PGR: variants seen among roughly 807,000 people sequenced by gnomAD.
PGR encodes nuclear receptor subfamily 3 group C member 3.
PGR carries 25 observed loss-of-function variants against 76.1 expected under a neutral mutation model. The ratio of observed to expected loss-of-function variants is 0.33; its 90% CI spans 0.24 to 0.46. PGR has a LOEUF of 0.46. Among genes scored for constraint, PGR ranks in the 20% least tolerant of loss-of-function variants. The probability of loss-of-function intolerance (pLI) is 1.00; values close to 1 mark genes in which losing one functional copy is unlikely to be tolerated. For synonymous variants in PGR, 579 were observed against 535.0 expected (o/e 1.08, Z -1.14); for missense variants, 1,172 against 1,225.3 (o/e 0.96, Z 0.65).
At chr11:101,093,545 C>T (rs1265734774) in intron 2 of PGR, among the ~76,000 whole-genome samples, 1 of 152,182 alleles carries the variant, frequency 6.6e-6, no homozygotes, top group African/African-American at 2.4e-5. Context: ...ACCACAACGT[C>T]CACCTCCTGG....
intron 4 of PGR, among the ~76,000 whole-genome samples, chr11:101,060,548 A>C (rs1351332695): frequency 3.3e-5 from 5 of 152,252 alleles, no homozygotes; most frequent in Non-Finnish European, 5.9e-5. Context: ...GTAGCTAATA[A>C]TACTAAAGTA....
chr11:101,057,247 G>C (rs532198861), intron 4 of PGR, among the ~76,000 whole-genome samples: 1 of 152,132 alleles, frequency 6.6e-6, no homozygotes, highest in African/African-American at 2.4e-5. Context: ...TGCGAATCCT[G>C]AAAGATAGTT....
Position 101,100,648 on chromosome 11 carries a change from A to G in PGR, c.1790-8772T>C, listed in dbSNP as rs117691427. 2.1e-3 allele frequency among the ~76,000 whole-genome samples: 323 copies of G among 152,140 alleles called. 8 individuals are homozygous for G. In the East Asian group the frequency reaches 0.054, roughly 26 times the overall value. ...ACACACACACACAATACATACAGAT[A>G]AAACAACTAGTAATTATTTTGATTT... is the stretch of plus-strand genomic sequence containing the variant. On this transcript the variant is annotated intron_variant, in intron 2 of 7. Coordinates refer to ENST00000325455, the MANE Select transcript of PGR (RefSeq NM_000926.4).
chr11:101,053,787 T>C (rs1327157508), intron 4 of PGR, among the ~76,000 whole-genome samples: 2 of 150,950 alleles, frequency 1.3e-5, no homozygotes, highest in Non-Finnish European at 3.0e-5. Flanking sequence ...AATACCTTCC[T>C]GCTTTCCTTC....
chr11:101,058,337 C>A (rs1441764842), intron 4 of PGR, among the ~76,000 whole-genome samples: 4 of 152,136 alleles, frequency 2.6e-5, no homozygotes, highest in African/African-American at 4.8e-5. Context: ...ACTCTCATTT[C>A]TCTCTCATCA....
At position 101,030,765 on chromosome 11, in the gene PGR, T is replaced by G. The variant is rs1001242163; in HGVS notation, c.*8351A>C. 7.9e-5 allele frequency: 16 copies of G among 203,764 alleles called. No homozygotes were observed. The highest frequency in any genetic ancestry group is 3.7e-4 in the African/African-American group (16 of 43,682). 12.6% of individuals were successfully genotyped at this position (203,764 alleles called of 1,614,324 possible). A position where few individuals can be genotyped will look rare whatever the true frequency, so the allele number is the denominator to read the frequency against. On this transcript the variant is annotated 3_prime_UTR_variant, in exon 8 of 8. Transcript: ENST00000325455. ...AAACATGGTCTAAATCTCAAAGGTA[T>G]CCTTAAAAGGTGGACTTAAGCATCA...
intron 2 of PGR, among the ~76,000 whole-genome samples, chr11:101,106,899 GTT>G (rs1862180148): frequency 6.6e-6 from 1 of 152,196 alleles, no homozygotes; most frequent in Non-Finnish European, 1.5e-5. Context: ...AAAAGAATGA[GTT>G]CATGTTCTTC....
chr11:101,070,690 G>A (rs1310297937), intron 3 of PGR, among the ~76,000 whole-genome samples: 1 of 152,198 alleles, frequency 6.6e-6, no homozygotes, highest in Non-Finnish European at 1.5e-5. Context: ...TCCCCTCACA[G>A]TGTAAGCAAA....
chr11:101,031,535 C>A lies in PGR; in HGVS notation c.*7581G>T. ...CTACTGCTCACCAGTGCTCCCTCCT[C>A]AGCTCCAAGGCTGTGGAGGGCTCAT... On this transcript the variant is annotated 3_prime_UTR_variant, in exon 8 of 8. Transcript: ENST00000325455. The A allele has an allele frequency of 4.4e-6, 1 of 227,390 alleles. No homozygotes were observed. Among genetic ancestry groups the A allele is most frequent in the Non-Finnish European group, 8.7e-6 (1 of 114,722 alleles). 14.1% of individuals were successfully genotyped at this position (227,390 alleles called of 1,614,324 possible).
intron 4 of PGR, among the ~76,000 whole-genome samples, chr11:101,061,856 A>G (rs1346570337): frequency 6.6e-6 from 1 of 152,184 alleles, no homozygotes; most frequent in African/African-American, 2.4e-5. Flanking sequence ...TTCTTCTGTG[A>G]TGATATAATC....
intron 4 of PGR, among the ~76,000 whole-genome samples, chr11:101,060,605 G>A (rs1044425805): frequency 6.6e-6 from 1 of 152,234 alleles, no homozygotes; most frequent in East Asian, 1.9e-4. Flanking sequence ...AGGTCAAATA[G>A]TCACTCTAGC....
At position 101,035,219 on chromosome 11, in the gene PGR, G is replaced by C. The variant is rs1167964040; in HGVS notation, c.*3897C>G. On this transcript the variant is annotated 3_prime_UTR_variant, in exon 8 of 8. Coordinates refer to ENST00000325455, the MANE Select transcript of PGR (RefSeq NM_000926.4). Reference sequence around the variant, plus strand: ...TGTTGAGCTATTGAATACAAAAATAGAGTATCTTTAAATTTGAAAAAAAAT... The same window carrying C: ...TGTTGAGCTATTGAATACAAAAATACAGTATCTTTAAATTTGAAAAAAAAT... 3 of 220,826 alleles carry C rather than the reference G, an allele frequency of 1.4e-5. No homozygotes were observed. The highest frequency in any genetic ancestry group is 6.7e-5 in the African/African-American group (3 of 44,640). 13.7% of individuals were successfully genotyped at this position (220,826 alleles called of 1,614,324 possible).
intron 2 of PGR, among the ~76,000 whole-genome samples, chr11:101,110,630 AGATTTAG>A (rs1326384614): frequency 6.6e-6 from 1 of 152,202 alleles, no homozygotes; most frequent in African/African-American, 2.4e-5. Context: ...TGACAACAAA[AGATTTAG>A]GATTTAGGAT....
At chr11:101,043,479 C>G (rs1430366230) in intron 6 of PGR, among the ~76,000 whole-genome samples, 2 of 152,170 alleles carry the variant, frequency 1.3e-5, no homozygotes, top group African/African-American at 4.8e-5. Context: ...CTTCCAAACT[C>G]TTGTTAATGT....
chr11:101,057,474 T>C (rs754387071), intron 4 of PGR, among the ~76,000 whole-genome samples: 3 of 152,102 alleles, frequency 2.0e-5, no homozygotes, highest in Non-Finnish European at 4.4e-5. Context: ...TTGGATGCTA[T>C]TTGGAAAAAG....
intron 2 of PGR, among the ~76,000 whole-genome samples, chr11:101,113,154 A>C (rs911844234): frequency 6.6e-6 from 1 of 152,222 alleles, no homozygotes; most frequent in Non-Finnish European, 1.5e-5. Flanking sequence ...TTGTTTTCAA[A>C]ATGCTATCTA....
At chr11:101,120,763 A>G (rs1862647336) in intron 2 of PGR, among the ~76,000 whole-genome samples, 1 of 152,228 alleles carries the variant, frequency 6.6e-6, no homozygotes, top group Non-Finnish European at 1.5e-5. Context: ...AGAGGACTTA[A>G]GCCTTATTGA....
intron 3 of PGR, among the ~76,000 whole-genome samples, chr11:101,078,369 T>TGTA (rs1380535668): frequency 1.3e-5 from 2 of 152,244 alleles, no homozygotes; most frequent in Non-Finnish European, 2.9e-5. Flanking sequence ...CATTCTTTTA[T>TGTA]GTAGAAAGCG....
At chr11:101,043,571 T>C (rs1311065158) in intron 6 of PGR, among the ~76,000 whole-genome samples, 1 of 152,172 alleles carries the variant, frequency 6.6e-6, no homozygotes, top group Non-Finnish European at 1.5e-5. Flanking sequence ...AGGTTTTCAA[T>C]TTACTTTACC....
Sources: gnomAD v4.1 joint callset for allele counts (sites outside exome capture counted in the v4.1 genomes callset) on GRCh38, gnomAD v4.1.1 for gene constraint, MANE v1.5 for transcripts, NCBI Gene and HGNC (gene_info 2026-07-23, HGNC 2026-07-21) for gene names.